GRIA1: variants seen among roughly 807,000 people sequenced by gnomAD.
GRIA1 encodes the protein glutamate receptor 1.
A neutral mutation model predicts 99.2 loss-of-function variants in GRIA1; 31 were observed. The observed-to-expected ratio is 0.31, with a 90% CI of 0.23 to 0.42. The LOEUF is 0.42. GRIA1 is among the 10% of genes least tolerant of loss of function. GRIA1 has a pLI of 1.00. For missense variants in GRIA1, 782 were observed against 1,157.5 expected (o/e 0.68, Z 4.71); for synonymous variants, 438 against 432.4 (o/e 1.01, Z -0.16).
chr5:153,682,677 C>A (rs1450990372), intron 7 of GRIA1, among the ~76,000 whole-genome samples: 1 of 152,180 alleles, frequency 6.6e-6, no homozygotes, highest in Admixed American at 6.5e-5. Context: ...TGACCCCCAC[C>A]CTGCTCCTTG....
chr5:153,525,860 T>G (rs1200517871), intron 2 of GRIA1, among the ~76,000 whole-genome samples: 1 of 152,212 alleles, frequency 6.6e-6, no homozygotes, highest in African/African-American at 2.4e-5. Context: ...CTCAGTAAGT[T>G]GGAGAGTCTC....
intron 13 of GRIA1, among the ~76,000 whole-genome samples, chr5:153,789,425 C>T (rs947044289): frequency 6.6e-6 from 1 of 151,586 alleles, no homozygotes; most frequent in Non-Finnish European, 1.5e-5. Context: ...ATCCTGAGCT[C>T]GTGAAACTAA....
intron 11 of GRIA1, among the ~76,000 whole-genome samples, chr5:153,740,372 G>T (rs1302931009): frequency 6.6e-6 from 1 of 152,234 alleles, no homozygotes; most frequent in Non-Finnish European, 1.5e-5. Flanking sequence ...CAGACTGCAT[G>T]CATGAGGTCA....
At chr5:153,513,586 A>G (rs1214912660) in intron 2 of GRIA1, among the ~76,000 whole-genome samples, 1 of 152,148 alleles carries the variant, frequency 6.6e-6, no homozygotes, top group Non-Finnish European at 1.5e-5. Context: ...ATCGGGCTTA[A>G]ACCTCAGTTT....
At chr5:153,606,809 A>G (rs1176416665) in intron 2 of GRIA1, among the ~76,000 whole-genome samples, 2 of 151,574 alleles carry the variant, frequency 1.3e-5, no homozygotes, top group South Asian at 2.1e-4. Context: ...TTTATGGGTA[A>G]TGAGAGTATT....
At chr5:153,623,305 CAGTACAG>C (rs1273547245) in intron 2 of GRIA1, among the ~76,000 whole-genome samples, 2 of 152,154 alleles carry the variant, frequency 1.3e-5, no homozygotes, top group Non-Finnish European at 2.9e-5. Flanking sequence ...GCCTACCCTG[CAGTACAG>C]AGTACTGCCT....
intron 2 of GRIA1, among the ~76,000 whole-genome samples, chr5:153,595,494 A>G (rs928031446): frequency 6.6e-6 from 1 of 152,004 alleles, no homozygotes; most frequent in Non-Finnish European, 1.5e-5. Context: ...GATGAGTTAC[A>G]CTCTACCTCT....
chr5:153,673,744 A>G (rs1208486158), intron 5 of GRIA1, among the ~76,000 whole-genome samples: 1 of 152,248 alleles, frequency 6.6e-6, no homozygotes, highest in Non-Finnish European at 1.5e-5. Context: ...ACTGCACATT[A>G]TTGAATATAT....
chr5:153,531,067 A>G (rs753431832), intron 2 of GRIA1, among the ~76,000 whole-genome samples: 1 of 152,234 alleles, frequency 6.6e-6, no homozygotes, highest in African/African-American at 2.4e-5. Flanking sequence ...GGATGGTTGA[A>G]GAAGAGATAC....
chr5:153,726,108 A>G lies in GRIA1; in HGVS notation c.1823+20041A>G, dbSNP rs568058420. Among the ~76,000 whole-genome samples, 18 of 152,262 alleles carry G rather than the reference A, an allele frequency of 1.2e-4. No homozygotes were observed. The South Asian group carries it at 3.3e-3, about 28-fold the overall frequency. ...AACTCACTCAAAACCACTCAACTAC[A>G]TGGAAACTGAACAACCTGCTTATGA... On this transcript the variant is annotated intron_variant, in intron 11 of 15. Coordinates refer to ENST00000285900, the MANE Select transcript of GRIA1 (RefSeq NM_000827.4).
intron 2 of GRIA1, among the ~76,000 whole-genome samples, chr5:153,500,342 C>T (rs1334346729): frequency 6.6e-6 from 1 of 152,080 alleles, no homozygotes. Context: ...TGTCACTGCC[C>T]CACTCCATAC....
chr5:153,641,680 A>ACATGTAACTGTACCACAT (rs1753787478), intron 2 of GRIA1, among the ~76,000 whole-genome samples: 1 of 152,068 alleles, frequency 6.6e-6, no homozygotes, highest in Non-Finnish European at 1.5e-5. Context: ...ACCCATATAC[A>ACATGTAACTGTACCACAT]GTACTCTTTA....
intron 5 of GRIA1, among the ~76,000 whole-genome samples, chr5:153,672,832 C>T (rs1489879795): frequency 3.3e-5 from 5 of 152,164 alleles, no homozygotes; most frequent in Non-Finnish European, 5.9e-5. Flanking sequence ...TTGGTGGTTT[C>T]CCCCAAGCCA....
In GRIA1 at chr5:153,707,101, A is replaced by G. The variant is rs375176393; in HGVS notation, c.1823+1034A>G. ...GCCACTGCACTCCAGCCTGGGTGAC[A>G]GAGTGAGACTCTGTCTTTAAAAAAA... On this transcript the variant is annotated intron_variant, in intron 11 of 15. Coordinates refer to ENST00000285900, the MANE Select transcript of GRIA1 (RefSeq NM_000827.4). 5.6e-4 allele frequency among the ~76,000 whole-genome samples: 86 copies of G among 152,246 alleles called. 1 individual carries two copies. In the Middle Eastern group the frequency reaches 0.02, roughly 36 times the overall value.
chr5:153,659,929 A>G (rs1029955983), intron 5 of GRIA1, among the ~76,000 whole-genome samples: 3 of 152,088 alleles, frequency 2.0e-5, no homozygotes, highest in Non-Finnish European at 4.4e-5. Context: ...AATATCAACA[A>G]TCTCTCTCAT....
intron 2 of GRIA1, among the ~76,000 whole-genome samples, chr5:153,576,442 T>C (rs1047882871): frequency 6.6e-6 from 1 of 152,228 alleles, no homozygotes; most frequent in African/African-American, 2.4e-5. Context: ...ATTGTCCTAA[T>C]GCTATGGGCT....
intron 2 of GRIA1, among the ~76,000 whole-genome samples, chr5:153,589,552 G>T (rs1561667710): frequency 6.6e-6 from 1 of 152,040 alleles, no homozygotes; most frequent in Non-Finnish European, 1.5e-5. Context: ...TTTTTCTTAG[G>T]ATTCAAGTGC....
intron 2 of GRIA1, among the ~76,000 whole-genome samples, chr5:153,644,765 C>T (rs1349919526): frequency 6.6e-6 from 1 of 151,762 alleles, no homozygotes; most frequent in Admixed American, 6.6e-5. Flanking sequence ...ACAACTGCTA[C>T]AAAGGAGTGA....
At chr5:153,590,129 C>G (rs1763831256) in intron 2 of GRIA1, among the ~76,000 whole-genome samples, 1 of 152,124 alleles carries the variant, frequency 6.6e-6, no homozygotes. Flanking sequence ...CATGTTTGTA[C>G]ATTTTCAAGT....
Sources: allele counts gnomAD v4.1 joint callset (sites outside exome capture counted in the v4.1 genomes callset), GRCh38; gene constraint gnomAD v4.1.1; transcripts MANE v1.5; gene names NCBI Gene and HGNC (gene_info 2026-07-23, HGNC 2026-07-21).